CLSTN2: variants seen among roughly 807,000 people sequenced by gnomAD.
CLSTN2 encodes calsyntenin-2.
CLSTN2 carries 48 observed loss-of-function variants against 101.2 expected under a neutral mutation model. The observed-to-expected ratio is 0.47, with a 90% CI of 0.38 to 0.60. CLSTN2 has a LOEUF of 0.60. Ranked by LOEUF, CLSTN2 falls within the 20% of genes least tolerant of loss-of-function variation. The pLI is 0.00. For synonymous variants in CLSTN2, 481 were observed against 463.6 expected (o/e 1.04, Z -0.48); for missense variants, 1,160 against 1,238.2 (o/e 0.94, Z 0.95).
intron 2 of CLSTN2, among the ~76,000 whole-genome samples, chr3:140,182,393 G>C (rs1217360603): frequency 6.6e-6 from 1 of 152,058 alleles, no homozygotes; most frequent in Admixed American, 6.5e-5. Context: ...TGGGATATTG[G>C]GGAATAACCA....
chr3:140,357,384 T>C (rs1262369274), intron 2 of CLSTN2, among the ~76,000 whole-genome samples: 1 of 152,120 alleles, frequency 6.6e-6, no homozygotes, highest in Admixed American at 6.5e-5. Context: ...ATGCAGCCCC[T>C]GGGCCAACAA....
chr3:140,483,330 T>C (rs900462862), intron 8 of CLSTN2, among the ~76,000 whole-genome samples: 18 of 152,220 alleles, frequency 1.2e-4, no homozygotes, highest in African/African-American at 4.3e-4. Context: ...ATTTCTGTTC[T>C]TTTATATTTG....
At chr3:140,445,254 C>T (rs1311382674) in intron 5 of CLSTN2, among the ~76,000 whole-genome samples, 6 of 152,254 alleles carry the variant, frequency 3.9e-5, no homozygotes, top group South Asian at 2.1e-4. Context: ...TTTCCCTTCA[C>T]GATTTACTTG....
intron 2 of CLSTN2, among the ~76,000 whole-genome samples, chr3:140,297,666 T>C (rs943937521): frequency 6.6e-6 from 1 of 152,224 alleles, no homozygotes; most frequent in Non-Finnish European, 1.5e-5. Flanking sequence ...GGTATAGGGC[T>C]GGATTCGACC....
chr3:140,352,741 C>CA (rs1033411205), intron 2 of CLSTN2, among the ~76,000 whole-genome samples: 3 of 151,972 alleles, frequency 2.0e-5, no homozygotes, highest in African/African-American at 4.8e-5. Context: ...ATTTCTGGGA[C>CA]TTTTTTTTCT....
At chr3:140,112,537 T>A (rs1352431991) in intron 1 of CLSTN2, among the ~76,000 whole-genome samples, 1 of 152,186 alleles carries the variant, frequency 6.6e-6, no homozygotes, top group South Asian at 2.1e-4. Flanking sequence ...CTGGACATTA[T>A]ACACGATGCC....
chr3:139,984,918 T>G (rs1256471484), intron 1 of CLSTN2, among the ~76,000 whole-genome samples: 4 of 152,230 alleles, frequency 2.6e-5, no homozygotes, highest in African/African-American at 9.6e-5. Context: ...AATCTGTTCC[T>G]TTTTGTATCT....
At chr3:140,323,551 A>C (rs1337531332) in intron 2 of CLSTN2, among the ~76,000 whole-genome samples, 1 of 152,188 alleles carries the variant, frequency 6.6e-6, no homozygotes, top group Non-Finnish European at 1.5e-5. Context: ...ACAAATATGG[A>C]TTAAAATCCC....
chr3:139,981,527 A>G (rs752311261), intron 1 of CLSTN2, among the ~76,000 whole-genome samples: 10 of 152,264 alleles, frequency 6.6e-5, no homozygotes, highest in Non-Finnish European at 1.3e-4. Flanking sequence ...AATGCCAGAC[A>G]TTAATTAAAT....
At chr3:140,511,300 G>A (rs1481442051) in intron 8 of CLSTN2, among the ~76,000 whole-genome samples, 2 of 152,178 alleles carry the variant, frequency 1.3e-5, no homozygotes, top group East Asian at 3.9e-4. Flanking sequence ...TCATGTCTTT[G>A]CTATTGTGAA....
chr3:140,189,698 G>A (rs1276037746), intron 2 of CLSTN2, among the ~76,000 whole-genome samples: 4 of 152,112 alleles, frequency 2.6e-5, no homozygotes, highest in Non-Finnish European at 5.9e-5. Flanking sequence ...TTTGTATAAA[G>A]TAAAACACTT....
intron 2 of CLSTN2, among the ~76,000 whole-genome samples, chr3:140,235,365 G>T (rs1467379300): frequency 2.0e-5 from 3 of 152,134 alleles, no homozygotes; most frequent in African/African-American, 7.2e-5. Flanking sequence ...GGTCAGCCAT[G>T]TAGCCCTCCA....
At chr3:140,407,537 T>C (rs1209917636) in intron 4 of CLSTN2, among the ~76,000 whole-genome samples, 1 of 152,076 alleles carries the variant, frequency 6.6e-6, no homozygotes, top group East Asian at 1.9e-4. Context: ...GGAGAAGCAG[T>C]GTGTGGGGAT....
chr3:140,152,590 A>T (rs1172043726), intron 1 of CLSTN2, among the ~76,000 whole-genome samples: 1 of 152,200 alleles, frequency 6.6e-6, no homozygotes, highest in Admixed American at 6.5e-5. Flanking sequence ...TATTTGTTGT[A>T]TGAAATTGCT....
At chr3:140,214,061 C>G (rs11707144) in intron 2 of CLSTN2, among the ~76,000 whole-genome samples, 145,503 of 152,162 alleles carry the variant, frequency 0.96, 69,894 homozygotes, top group East Asian at 1. Context: ...GTAAAATAAA[C>G]AGCAATGAGT....
At chr3:140,049,480 AC>A (rs1229563659) in intron 1 of CLSTN2, among the ~76,000 whole-genome samples, 1 of 152,118 alleles carries the variant, frequency 6.6e-6, no homozygotes, top group African/African-American at 2.4e-5. Context: ...TACACATTTT[AC>A]CCAGGCCATC....
intron 1 of CLSTN2, among the ~76,000 whole-genome samples, chr3:140,075,346 T>C (rs1053588194): frequency 2.0e-5 from 3 of 152,202 alleles, no homozygotes; most frequent in Non-Finnish European, 2.9e-5. Flanking sequence ...AAATCCTGCA[T>C]GTTTATATAT....
intron 2 of CLSTN2, among the ~76,000 whole-genome samples, chr3:140,200,388 C>A (rs111820317): frequency 6.6e-6 from 1 of 152,114 alleles, no homozygotes; most frequent in South Asian, 2.1e-4. Flanking sequence ...TTAGACTCCA[C>A]GTAATGACCG....
chr3:140,322,223 C>G (rs1207610897), intron 2 of CLSTN2, among the ~76,000 whole-genome samples: 2 of 152,202 alleles, frequency 1.3e-5, no homozygotes, highest in South Asian at 2.1e-4. Context: ...GGTGGCCTGG[C>G]CCAGCATCTG....
Sources: allele counts gnomAD v4.1 joint callset (sites outside exome capture counted in the v4.1 genomes callset), GRCh38; gene constraint gnomAD v4.1.1; transcripts MANE v1.5; gene names NCBI Gene and HGNC (gene_info 2026-07-23, HGNC 2026-07-21).